The following SCAPER variants were observed in gnomAD, a reference collection of about 807,000 sequenced individuals.
The protein encoded by SCAPER is S-phase cyclin A associated protein in the ER.
SCAPER carries 98 observed loss-of-function variants against 182.2 expected under a neutral mutation model. The ratio of observed to expected loss-of-function variants is 0.54; its 90% CI spans 0.46 to 0.64. The LOEUF (loss-of-function observed/expected upper bound fraction) is 0.64, where lower values mean the gene tolerates loss of function less well. SCAPER is among the 30% of genes least tolerant of loss of function. SCAPER has a pLI of 0.00. For synonymous variants in SCAPER, 605 were observed against 564.6 expected, an observed-to-expected ratio of 1.07 and a Z score of -1.01; for missense variants, 1,432 against 1,690.0, an observed-to-expected ratio of 0.85 and a Z score of 2.68.
chr15:76,901,660 T>G (rs959111465), intron 1 of SCAPER, among the ~76,000 whole-genome samples: 9 of 152,230 alleles, frequency 5.9e-5, no homozygotes, highest in Non-Finnish European at 2.9e-5. Flanking sequence ...TAGCAAAACT[T>G]TATGAAATCT....
At chr15:76,573,914 G>A (rs534471617) in intron 23 of SCAPER, among the ~76,000 whole-genome samples, 5 of 151,906 alleles carry the variant, frequency 3.3e-5, no homozygotes, top group South Asian at 4.2e-4. Flanking sequence ...TTATTTGTGT[G>A]AGGAAAACAT....
chr15:76,461,723 T>C (rs978845281), intron 25 of SCAPER, among the ~76,000 whole-genome samples: 2 of 152,196 alleles, frequency 1.3e-5, no homozygotes, highest in Admixed American at 1.3e-4. Context: ...ATCTCAGGAT[T>C]GGCCTCTGTT....
At chr15:76,665,225 G>C (rs1051099435) in intron 21 of SCAPER, among the ~76,000 whole-genome samples, 2 of 152,132 alleles carry the variant, frequency 1.3e-5, no homozygotes, top group African/African-American at 2.4e-5. Flanking sequence ...ACTTTTTCTT[G>C]TTGTGACAGG....
At chr15:76,507,640 T>C (rs1157375307) in intron 23 of SCAPER, among the ~76,000 whole-genome samples, 3 of 152,228 alleles carry the variant, frequency 2.0e-5, no homozygotes, top group Non-Finnish European at 2.9e-5. Flanking sequence ...AGCACATGTC[T>C]AGAGTTTAGC....
chr15:76,876,997 A>G (rs879471425), intron 2 of SCAPER, among the ~76,000 whole-genome samples: 2 of 152,194 alleles, frequency 1.3e-5, no homozygotes, highest in African/African-American at 2.4e-5. Context: ...ACACTCTGGG[A>G]AGCCAAAGCT....
intron 5 of SCAPER, among the ~76,000 whole-genome samples, chr15:76,812,831 A>AT (rs2066740725): frequency 6.6e-6 from 1 of 152,024 alleles, no homozygotes; most frequent in African/African-American, 2.4e-5. Context: ...CCAAAACCAG[A>AT]TATCTTCAGA....
At chr15:76,438,279 CAAAAAA>C (rs372587932) in intron 25 of SCAPER, among the ~76,000 whole-genome samples, 2 of 111,012 alleles carry the variant, frequency 1.8e-5, no homozygotes, top group African/African-American at 6.9e-5. Context: ...GAGACTGTCT[CAAAAAA>C]AAAAAAAAAA....
intron 17 of SCAPER, among the ~76,000 whole-genome samples, chr15:76,709,022 C>T (rs1202595224): frequency 6.6e-6 from 1 of 151,882 alleles, no homozygotes; most frequent in African/African-American, 2.4e-5. Context: ...GCTGAGAGCG[C>T]ACCACTGCAC....
intron 24 of SCAPER, among the ~76,000 whole-genome samples, chr15:76,493,226 C>T (rs1023543990): frequency 2.0e-5 from 3 of 151,940 alleles, no homozygotes; most frequent in African/African-American, 7.2e-5. Context: ...TGATTATTTC[C>T]CTGCACTTCA....
chr15:76,720,895 G>A (rs369212277), intron 17 of SCAPER, among the ~76,000 whole-genome samples: 44 of 152,100 alleles, frequency 2.9e-4, no homozygotes, highest in Middle Eastern at 3.4e-3. Context: ...CTCTGATGGT[G>A]GTTTCTTTTG....
intron 23 of SCAPER, among the ~76,000 whole-genome samples, chr15:76,526,998 A>G (rs937807119): frequency 2.0e-5 from 3 of 151,954 alleles, no homozygotes; most frequent in Non-Finnish European, 4.4e-5. Flanking sequence ...CAGCCTCCCA[A>G]GTAGCTCGGA....
chr15:76,439,327 C>T (rs2047407069), intron 25 of SCAPER, among the ~76,000 whole-genome samples: 1 of 152,150 alleles, frequency 6.6e-6, no homozygotes, highest in Admixed American at 6.5e-5. Flanking sequence ...AATCCGACCA[C>T]CTTAGCCTCC....
At chr15:76,794,137 G>A (rs967544464) in intron 8 of SCAPER, among the ~76,000 whole-genome samples, 1 of 152,128 alleles carries the variant, frequency 6.6e-6, no homozygotes, top group African/African-American at 2.4e-5. Context: ...CCCCAAAACT[G>A]AAGACGAAAC....
intron 1 of SCAPER, among the ~76,000 whole-genome samples, chr15:76,902,964 G>C (rs2074875702): frequency 6.6e-6 from 1 of 151,952 alleles, no homozygotes. Context: ...AGGAAGCTGA[G>C]GCAGGAAAAT....
At chr15:76,364,195 C>G (rs1324451010) in intron 29 of SCAPER, among the ~76,000 whole-genome samples, 2 of 152,186 alleles carry the variant, frequency 1.3e-5, no homozygotes, top group Non-Finnish European at 2.9e-5. Context: ...CCTGTCCTCC[C>G]AGATCTGCTT....
chr15:76,664,907 C>T (rs924824281), intron 21 of SCAPER, among the ~76,000 whole-genome samples: 6 of 152,172 alleles, frequency 3.9e-5, no homozygotes, highest in Admixed American at 1.3e-4. Context: ...GATAACTGCA[C>T]TGTTCACTAT....
chr15:76,480,457 G>A (rs929172872), intron 24 of SCAPER, among the ~76,000 whole-genome samples: 4 of 152,180 alleles, frequency 2.6e-5, no homozygotes, highest in African/African-American at 9.7e-5. Context: ...CTGCAGGAGT[G>A]GCCCACCTGA....
intron 17 of SCAPER, among the ~76,000 whole-genome samples, chr15:76,722,161 C>T (rs1258530624): frequency 6.6e-6 from 1 of 152,038 alleles, no homozygotes; most frequent in Non-Finnish European, 1.5e-5. Context: ...TGTCAAAGGC[C>T]TTTTCTGCAT....
intron 24 of SCAPER, among the ~76,000 whole-genome samples, chr15:76,488,735 T>TGAGACGGAG (rs2051941219): frequency 1.3e-5 from 1 of 74,170 alleles, no homozygotes; most frequent in Non-Finnish European, 3.4e-5. Context: ...TTTTTTTTTT[T>TGAGACGGAG]TTTTTTTTGA....
Sources: gnomAD v4.1 joint callset for allele counts (sites outside exome capture counted in the v4.1 genomes callset) on GRCh38, gnomAD v4.1.1 for gene constraint, MANE v1.5 for transcripts, NCBI Gene and HGNC (gene_info 2026-07-23, HGNC 2026-07-21) for gene names.